The following THSD4 variants were observed in gnomAD, a reference collection of about 807,000 sequenced individuals.
THSD4 encodes the protein thrombospondin type 1 domain containing 4.
Under a neutral mutation model 119.0 loss-of-function variants are expected in THSD4, and 69 were observed. The ratio of observed to expected loss-of-function variants is 0.58; its 90% CI spans 0.48 to 0.71. The LOEUF is 0.71. Ranked by LOEUF, THSD4 falls within the 30% of genes least tolerant of loss-of-function variation. THSD4 has a pLI of 0.00. For missense variants in THSD4, 1,393 were observed against 1,391.1 expected, an observed-to-expected ratio of 1.00 and a Z score of -0.02; for synonymous variants, 524 against 540.4, an observed-to-expected ratio of 0.97 and a Z score of 0.42.
intron 3 of THSD4, among the ~76,000 whole-genome samples, chr15:71,179,805 T>C (rs2043487141): frequency 2.1e-4 from 1 of 4,876 alleles, no homozygotes; most frequent in Non-Finnish European, 5.8e-4. Flanking sequence ...TGGAATACTA[T>C]GCAGCCATAA....
At chr15:71,576,758 A>G (rs1367233522) in intron 7 of THSD4, among the ~76,000 whole-genome samples, 1 of 152,114 alleles carries the variant, frequency 6.6e-6, no homozygotes, top group Non-Finnish European at 1.5e-5. Context: ...ATTTCCTTTG[A>G]ATTTATCTTT....
At chr15:71,581,691 AT>A (rs1021790827) in intron 7 of THSD4, among the ~76,000 whole-genome samples, 16 of 152,172 alleles carry the variant, frequency 1.1e-4, no homozygotes, top group Admixed American at 2.0e-4. Context: ...ATTTGCATTG[AT>A]TTTTGTGTAG....
intron 6 of THSD4, chr15:71,342,700 GA>G (rs2045599103): frequency 6.6e-6 from 1 of 152,360 alleles, no homozygotes; most frequent in African/African-American, 2.4e-5. Flanking sequence ...TGTTGGAGGG[GA>G]TCCCACCTCA....
intron 6 of THSD4, among the ~76,000 whole-genome samples, chr15:71,329,956 T>G (rs185983541): frequency 1.9e-4 from 29 of 152,230 alleles, no homozygotes; most frequent in Middle Eastern, 3.4e-3. Context: ...GGCACGTGCC[T>G]GTGGTCCCAG....
chr15:71,575,188 T>C (rs945197025), intron 7 of THSD4, among the ~76,000 whole-genome samples: 4 of 152,172 alleles, frequency 2.6e-5, no homozygotes, highest in Non-Finnish European at 5.9e-5. Context: ...TTCAATTTTA[T>C]GGATTTGTAA....
At chr15:71,285,769 G>A (rs932021580) in intron 6 of THSD4, among the ~76,000 whole-genome samples, 1 of 136,422 alleles carries the variant, frequency 7.3e-6, no homozygotes, top group African/African-American at 2.7e-5. Flanking sequence ...CAGAAGAATT[G>A]CTTGAACCTG....
At chr15:71,234,876 C>T (rs1206306666) in intron 4 of THSD4, among the ~76,000 whole-genome samples, 1 of 152,176 alleles carries the variant, frequency 6.6e-6, no homozygotes, top group African/African-American at 2.4e-5. Context: ...CTCAGTTCGC[C>T]GTCCTGCTGT....
Position 71,748,514 on chromosome 15 carries a change from A to C in THSD4, c.2335A>C (p.Lys779Gln). ...GGTTGACGATGAGGAATGCAACATG[A>C]AGCTCCGGCCGAATGACATTGAGAA... ...DVVDDEECNM[K>Q]LRPNDIENCD... is the part of the protein sequence containing the mutation. The change falls in exon 14 of 18, where the codon AAG becomes CAG. Residue 779 changes from lysine to glutamine, a missense_variant. Physicochemically the swap from Lys to Gln is moderately conservative, Grantham distance 53. Transcript: ENST00000261862. The C allele has an allele frequency of 1.2e-6, 2 of 1,614,168 alleles. No individual in the cohort carries two copies. The highest frequency in any genetic ancestry group is 1.7e-6 in the Non-Finnish European group (2 of 1,180,030).
chr15:71,560,504 A>G (rs538060924), intron 7 of THSD4, among the ~76,000 whole-genome samples: 42 of 152,374 alleles, frequency 2.8e-4, no homozygotes, highest in African/African-American at 9.6e-4. Context: ...GGAACAGCCT[A>G]TGGAGAAAGT....
At chr15:71,231,369 G>A (rs1001055578) in intron 4 of THSD4, among the ~76,000 whole-genome samples, 8 of 152,250 alleles carry the variant, frequency 5.3e-5, no homozygotes, top group Admixed American at 2.0e-4. Context: ...GAGGCTGACG[G>A]GTGGGTCACT....
chr15:71,267,272 A>C (rs1342964162), intron 6 of THSD4, among the ~76,000 whole-genome samples: 1 of 152,226 alleles, frequency 6.6e-6, no homozygotes, highest in Non-Finnish European at 1.5e-5. Flanking sequence ...TTCTGCAGAA[A>C]CCCTACAAGC....
intron 6 of THSD4, among the ~76,000 whole-genome samples, chr15:71,402,449 A>G (rs1446910999): frequency 2.6e-5 from 4 of 152,180 alleles, no homozygotes; most frequent in African/African-American, 9.7e-5. Flanking sequence ...CACTGATCCT[A>G]AAGCAGAGAT....
At chr15:71,247,052 C>G (rs2044209780) in intron 5 of THSD4, among the ~76,000 whole-genome samples, 3 of 151,918 alleles carry the variant, frequency 2.0e-5, no homozygotes, top group Admixed American at 2.0e-4. Context: ...TGCACAACAC[C>G]ATACCTGGCT....
At position 71,442,644 on chromosome 15, in the gene THSD4, A is replaced by ATGTGTGTGTGTGTG. The variant is rs1322209972; in HGVS notation, c.1152+30825_1152+30838dup. ...TATATATATATGTATGTGTGTGTAT[A>ATGTGTGTGTGTGTG]TGTGTGTGTGTGTGTGTATATATAT... On this transcript the variant is annotated intron_variant, in intron 7 of 17. Coordinates refer to ENST00000261862, the MANE Select transcript of THSD4 (RefSeq NM_024817.3). 1.6e-4 allele frequency among the ~76,000 whole-genome samples: 6 copies of ATGTGTGTGTGTGTG among 38,428 alleles called. 1 individual carries two copies. The highest frequency in any genetic ancestry group is 4.7e-4 in the African/African-American group (5 of 10,738). The allele number at this position is 38,428 out of a possible 152,430, so 25.2% of individuals were successfully genotyped here.
intron 5 of THSD4, among the ~76,000 whole-genome samples, chr15:71,255,984 G>A (rs1327536625): frequency 6.6e-6 from 1 of 151,890 alleles, no homozygotes; most frequent in Admixed American, 6.6e-5. Context: ...GTCAGAAGTA[G>A]AAGGTTTAGA....
At chr15:71,432,884 C>T (rs1051179496) in intron 7 of THSD4, among the ~76,000 whole-genome samples, 1 of 151,846 alleles carries the variant, frequency 6.6e-6, no homozygotes. Context: ...ATCCTTATGC[C>T]TTTTTAATAA....
At chr15:71,325,167 T>G (rs2045322605) in intron 6 of THSD4, among the ~76,000 whole-genome samples, 1 of 152,218 alleles carries the variant, frequency 6.6e-6, no homozygotes, top group Non-Finnish European at 1.5e-5. Flanking sequence ...CCAACCCTTC[T>G]TGCTGAAGAT....
chr15:71,757,879 T>C (rs995938956), intron 14 of THSD4, 23 bp from the exon 15 acceptor site: 5 of 1,611,908 alleles, frequency 3.1e-6, no homozygotes, highest in South Asian at 1.1e-5. Context: ...TCCTGACTAA[T>C]GTGCCCTTCC....
intron 7 of THSD4, among the ~76,000 whole-genome samples, chr15:71,595,808 T>C (rs541278972): frequency 1.3e-4 from 20 of 152,368 alleles, no homozygotes; most frequent in African/African-American, 4.8e-4. Context: ...GCTACTGTTA[T>C]ACCCATTCTA....
Sources: allele counts gnomAD v4.1 joint callset (sites outside exome capture counted in the v4.1 genomes callset), GRCh38; gene constraint gnomAD v4.1.1; transcripts MANE v1.5; gene names NCBI Gene and HGNC (gene_info 2026-07-23, HGNC 2026-07-21).